Variants in PRELID2 observed in about 807,000 individuals in gnomAD.
PRELID2 encodes the protein PRELI domain-containing protein 2.
In PRELID2, 25 loss-of-function variants were observed where a neutral mutation model predicts 28.4. That is an observed-to-expected ratio of 0.88 (90% confidence interval 0.64 to 1.23). The LOEUF is 1.23. PRELID2 is among the 50% of genes most tolerant of loss of function. The probability of loss-of-function intolerance (pLI) is 0.00; values close to 1 mark genes in which losing one functional copy is unlikely to be tolerated. For synonymous variants in PRELID2, 76 were observed against 71.6 expected (o/e 1.06, Z -0.31); for missense variants, 201 against 214.4 (o/e 0.94, Z 0.39).
At chr5:145,313,259 A>G in the PRELID2 span, among the ~76,000 whole-genome samples, 3 of 152,216 alleles carry the variant, frequency 2.0e-5, no homozygotes, top group Non-Finnish European at 4.4e-5. Context: ...AAAAAATAAG[A>G]AAATGTTTGT....
chr5:145,527,008 TG>T (rs1257831130), intron 1 of PRELID2, among the ~76,000 whole-genome samples: 1 of 152,204 alleles, frequency 6.6e-6, no homozygotes, highest in Non-Finnish European at 1.5e-5. Flanking sequence ...ACTCACCAGA[TG>T]GTGCAGCCAG....
chr5:145,826,949 T>A (rs1460903827), intron 1 of PRELID2, among the ~76,000 whole-genome samples: 3 of 152,200 alleles, frequency 2.0e-5, no homozygotes. Context: ...AATGCCTTTT[T>A]TTAATAACAT....
At chr5:145,402,468 A>G in the PRELID2 span, among the ~76,000 whole-genome samples, 3 of 152,170 alleles carry the variant, frequency 2.0e-5, no homozygotes, top group African/African-American at 4.8e-5. Flanking sequence ...CACATTATAG[A>G]TTTGGTTTGA....
the PRELID2 span, among the ~76,000 whole-genome samples, chr5:145,434,869 C>CTGTA: frequency 6.6e-6 from 1 of 152,162 alleles, no homozygotes; most frequent in Non-Finnish European, 1.5e-5. Flanking sequence ...AAACACTATT[C>CTGTA]TGAGCTAGAT....
At chr5:145,752,964 G>A (rs913483798), downstream of PRELID2, among the ~76,000 whole-genome samples, 10 of 152,220 alleles carry the variant, frequency 6.6e-5, no homozygotes, top group Admixed American at 2.6e-4. Context: ...TGGCAGTGCA[G>A]TAATTTTAAA....
the PRELID2 span, among the ~76,000 whole-genome samples, chr5:145,338,609 G>T: frequency 6.6e-6 from 1 of 152,132 alleles, no homozygotes; most frequent in Admixed American, 6.5e-5. Context: ...CCTGTCATAG[G>T]TAGATATATA....
At chr5:145,551,099 G>A (rs1429263085) in intron 1 of PRELID2, among the ~76,000 whole-genome samples, 2 of 151,998 alleles carry the variant, frequency 1.3e-5, no homozygotes, top group East Asian at 3.9e-4. Context: ...GTAGTTAGAG[G>A]AGCCAAGAGA....
chr5:145,294,975 C>G, the PRELID2 span, among the ~76,000 whole-genome samples: 2 of 152,134 alleles, frequency 1.3e-5, no homozygotes, highest in Admixed American at 6.6e-5. Context: ...CACATCAGAG[C>G]TTCACAGCCA....
At chr5:145,531,131 TG>T (rs1283363827) in intron 1 of PRELID2, among the ~76,000 whole-genome samples, 1 of 152,184 alleles carries the variant, frequency 6.6e-6, no homozygotes, top group African/African-American at 2.4e-5. Flanking sequence ...TCTCACTATA[TG>T]GATGCTAGTC....
the PRELID2 span, among the ~76,000 whole-genome samples, chr5:145,303,649 T>C: frequency 1.3e-5 from 2 of 152,296 alleles, no homozygotes; most frequent in African/African-American, 4.8e-5. Context: ...TATGTCTTTA[T>C]ACAGAAACAT....
intron 1 of PRELID2, among the ~76,000 whole-genome samples, chr5:145,829,417 C>A (rs1001252043): frequency 6.6e-6 from 1 of 152,114 alleles, no homozygotes; most frequent in Admixed American, 6.6e-5. Context: ...GAAATAAATG[C>A]AACAAATTAT....
the PRELID2 span, among the ~76,000 whole-genome samples, chr5:145,377,395 G>C: frequency 6.6e-6 from 1 of 152,144 alleles, no homozygotes; most frequent in Non-Finnish European, 1.5e-5. Flanking sequence ...TGTTTACCAG[G>C]TCCATTTGAT....
chr5:145,507,275 T>C (rs1328950468), intron 1 of PRELID2, among the ~76,000 whole-genome samples: 1 of 152,102 alleles, frequency 6.6e-6, no homozygotes, highest in Non-Finnish European at 1.5e-5. Flanking sequence ...TAGTCAAAAA[T>C]AAAGGATTTG....
chr5:145,289,146 T>TG, the PRELID2 span, among the ~76,000 whole-genome samples: 1 of 152,130 alleles, frequency 6.6e-6, no homozygotes, highest in African/African-American at 2.4e-5. Context: ...AAATGATTTT[T>TG]TTTAATGTGC....
At chr5:145,749,625 A>T (rs1425891098) in intron 1 of PRELID2, among the ~76,000 whole-genome samples, 1 of 152,200 alleles carries the variant, frequency 6.6e-6, no homozygotes, top group Admixed American at 6.5e-5. Context: ...TATATACCCT[A>T]AGGAATATAA....
chr5:145,661,666 TAA>T (rs567073073), intron 1 of PRELID2, among the ~76,000 whole-genome samples: 4,693 of 97,128 alleles, frequency 0.048, 282 homozygotes, highest in African/African-American at 0.14. Context: ...AACAAGCCAT[TAA>T]AAAAAAAAAA....
At chr5:145,421,813 A>C in the PRELID2 span, among the ~76,000 whole-genome samples, 1 of 133,134 alleles carries the variant, frequency 7.5e-6, no homozygotes, top group African/African-American at 2.8e-5. Flanking sequence ...TAGTTCTTTT[A>C]ATTGTGATGT....
the PRELID2 span, among the ~76,000 whole-genome samples, chr5:145,285,641 C>CACA: frequency 6.6e-6 from 1 of 152,022 alleles, no homozygotes; most frequent in Non-Finnish European, 1.5e-5. Context: ...AAACAACAAC[C>CACA]ACAACAACAA....
the PRELID2 span, among the ~76,000 whole-genome samples, chr5:145,461,080 C>A: frequency 1.3e-5 from 2 of 152,078 alleles, no homozygotes; most frequent in African/African-American, 4.8e-5. Context: ...AAATACGAGA[C>A]AAAGTAGTAC....
Sources: gnomAD v4.1 joint callset for allele counts (sites outside exome capture counted in the v4.1 genomes callset) on GRCh38, gnomAD v4.1.1 for gene constraint, MANE v1.5 for transcripts, NCBI Gene and HGNC (gene_info 2026-07-23, HGNC 2026-07-21) for gene names.